The following CTNND2 variants were observed in gnomAD, a reference collection of about 807,000 sequenced individuals.
CTNND2 encodes the protein catenin delta-2.
A neutral mutation model predicts 144.4 loss-of-function variants in CTNND2; 22 were observed. That is an observed-to-expected ratio of 0.15 (90% CI 0.11 to 0.22). CTNND2 has a LOEUF of 0.22. CTNND2 is among the 10% of genes least tolerant of loss of function. The pLI is 1.00. For synonymous variants in CTNND2, 751 were observed against 695.6 expected (o/e 1.08, Z -1.25); for missense variants, 1,353 against 1,618.8 (o/e 0.84, Z 2.82).
chr5:11,762,027 C>T (rs532503094), intron 1 of CTNND2, among the ~76,000 whole-genome samples: 2 of 152,040 alleles, frequency 1.3e-5, no homozygotes, highest in African/African-American at 2.4e-5. Flanking sequence ...CAGGCATAGG[C>T]GACTTCTATC....
intron 1 of CTNND2, among the ~76,000 whole-genome samples, chr5:11,886,059 T>C (rs143517529): frequency 2.1e-3 from 318 of 151,840 alleles, no homozygotes; most frequent in African/African-American, 6.9e-3. Context: ...CAGCAATAAA[T>C]GCCTACATCA....
chr5:11,716,993 G>A (rs994401401), intron 2 of CTNND2, among the ~76,000 whole-genome samples: 2 of 151,884 alleles, frequency 1.3e-5, no homozygotes, highest in East Asian at 2.0e-4. Context: ...TCAGCCTCCC[G>A]AGTAGCTGAG....
chr5:11,716,110 T>C (rs1786335255), intron 2 of CTNND2, among the ~76,000 whole-genome samples: 1 of 152,196 alleles, frequency 6.6e-6, no homozygotes, highest in Non-Finnish European at 1.5e-5. Flanking sequence ...GAGCATGGGG[T>C]ATCTGGACTA....
chr5:11,098,060 A>G (rs1265987190), intron 15 of CTNND2, among the ~76,000 whole-genome samples: 1 of 152,262 alleles, frequency 6.6e-6, no homozygotes, highest in Non-Finnish European at 1.5e-5. Context: ...ATTTACTTTA[A>G]CATGTTTGCC....
chr5:11,001,791 CT>C (rs1739991494), intron 18 of CTNND2, among the ~76,000 whole-genome samples: 1 of 152,198 alleles, frequency 6.6e-6, no homozygotes, highest in Admixed American at 6.5e-5. Context: ...GAAAAGTGGC[CT>C]TTGGCTTGCC....
intron 1 of CTNND2, among the ~76,000 whole-genome samples, chr5:11,745,941 T>A (rs749727869): frequency 1.3e-5 from 2 of 152,242 alleles, no homozygotes; most frequent in East Asian, 3.8e-4. Context: ...CTTTATAACA[T>A]GTGATGCACT....
chr5:11,253,707 T>G (rs1743910707), intron 9 of CTNND2, among the ~76,000 whole-genome samples: 1 of 152,200 alleles, frequency 6.6e-6, no homozygotes, highest in South Asian at 2.1e-4. Context: ...CATCTAGATA[T>G]CTATGTCCAT....
chr5:11,155,610 C>T (rs1758145377), intron 12 of CTNND2, among the ~76,000 whole-genome samples: 1 of 152,074 alleles, frequency 6.6e-6, no homozygotes, highest in Admixed American at 6.5e-5. Flanking sequence ...CCCTTCTGAT[C>T]ACCCACAGCT....
chr5:11,099,631 CAAT>C (rs1751684333), intron 14 of CTNND2, among the ~76,000 whole-genome samples: 1 of 152,052 alleles, frequency 6.6e-6, no homozygotes, highest in African/African-American at 2.4e-5. Flanking sequence ...TTTACTAATA[CAAT>C]GTCTTTTTTT....
chr5:11,438,117 T>C (rs1213466308), intron 3 of CTNND2, among the ~76,000 whole-genome samples: 1 of 152,156 alleles, frequency 6.6e-6, no homozygotes, highest in Non-Finnish European at 1.5e-5. Context: ...GTACACAAAA[T>C]GGCCAGCTGT....
At chr5:11,474,899 C>A (rs563464670) in intron 3 of CTNND2, among the ~76,000 whole-genome samples, 1 of 152,120 alleles carries the variant, frequency 6.6e-6, no homozygotes, top group Admixed American at 6.6e-5. Context: ...TGTACACCTG[C>A]CCTTCATTGG....
chr5:11,660,102 A>G (rs1164255337), intron 2 of CTNND2, among the ~76,000 whole-genome samples: 4 of 152,124 alleles, frequency 2.6e-5, no homozygotes, highest in Non-Finnish European at 5.9e-5. Flanking sequence ...TGGTGGGATG[A>G]GCTCAGCAGT....
At chr5:11,312,105 A>G (rs552382673) in intron 9 of CTNND2, among the ~76,000 whole-genome samples, 2 of 135,458 alleles carry the variant, frequency 1.5e-5, no homozygotes, top group East Asian at 4.7e-4. Flanking sequence ...CACACACCCC[A>G]CACGCACACA....
At chr5:11,112,885 G>A (rs1454817023) in intron 13 of CTNND2, among the ~76,000 whole-genome samples, 1 of 152,200 alleles carries the variant, frequency 6.6e-6, no homozygotes, top group Non-Finnish European at 1.5e-5. Context: ...GCTCATGCCT[G>A]TAATCCCAGC....
Position 11,408,677 on chromosome 5 carries a change from C to T in CTNND2, c.439+2859G>A, listed in dbSNP as rs113835313. On this transcript the variant is annotated intron_variant, in intron 5 of 21. Transcript: ENST00000304623. ...TGAAAAATAAATATTTGGTGGTTAC[C>T]AAATATATGTGGAAAGACCATACTG... Among the ~76,000 whole-genome samples, 698 of 151,920 alleles carry T rather than the reference C, an allele frequency of 4.6e-3. 8 individuals carry two copies. Among genetic ancestry groups the T allele is most frequent in the African/African-American group, 0.016 (657 of 41,466 alleles).
At chr5:11,122,862 A>AGGC (rs1754283710) in intron 12 of CTNND2, among the ~76,000 whole-genome samples, 1 of 152,234 alleles carries the variant, frequency 6.6e-6, no homozygotes, top group Admixed American at 6.5e-5. Flanking sequence ...CCAGCAAGGC[A>AGGC]GGCCGGGGAG....
At chr5:11,410,224 C>A (rs536614543) in intron 5 of CTNND2, among the ~76,000 whole-genome samples, 3 of 152,186 alleles carry the variant, frequency 2.0e-5, no homozygotes, top group South Asian at 2.1e-4. Context: ...ATACAAAATA[C>A]AGAGAACAAG....
chr5:11,735,724 C>G (rs988891649), intron 1 of CTNND2, among the ~76,000 whole-genome samples: 1 of 152,160 alleles, frequency 6.6e-6, no homozygotes, highest in Non-Finnish European at 1.5e-5. Context: ...CACGTGCTCT[C>G]TTGCCTGCCA....
chr5:11,189,948 G>A (rs552375158), intron 11 of CTNND2, among the ~76,000 whole-genome samples: 1 of 152,126 alleles, frequency 6.6e-6, no homozygotes, highest in East Asian at 1.9e-4. Flanking sequence ...CAGTGCTGAG[G>A]GTTGTAAGTT....
Sources: allele counts gnomAD v4.1 joint callset (sites outside exome capture counted in the v4.1 genomes callset), GRCh38; gene constraint gnomAD v4.1.1; transcripts MANE v1.5; gene names NCBI Gene and HGNC (gene_info 2026-07-23, HGNC 2026-07-21).